ERBB4: variants seen among roughly 807,000 people sequenced by gnomAD.
The protein encoded by ERBB4 is receptor tyrosine-protein kinase erbB-4.
A neutral mutation model predicts 158.0 loss-of-function variants in ERBB4; 42 were observed. The observed-to-expected ratio is 0.27, with a 90% CI of 0.21 to 0.34. The LOEUF (loss-of-function observed/expected upper bound fraction) is 0.34. Ranked by LOEUF, ERBB4 falls within the 10% of genes least tolerant of loss-of-function variation. ERBB4 has a pLI of 1.00. For synonymous variants in ERBB4, 583 were observed against 558.7 expected, an observed-to-expected ratio of 1.04 and a Z score of -0.61; for missense variants, 1,333 against 1,624.1, an observed-to-expected ratio of 0.82 and a Z score of 3.08.
intron 3 of ERBB4, among the ~76,000 whole-genome samples, chr2:211,863,188 C>CA (rs1337377384): frequency 1.4e-5 from 2 of 147,308 alleles, no homozygotes; most frequent in Admixed American, 1.3e-4. Flanking sequence ...CAGCACTCTG[C>CA]AAAAACGCAC....
intron 1 of ERBB4, among the ~76,000 whole-genome samples, chr2:212,215,445 T>C (rs959723908): frequency 6.6e-6 from 1 of 151,478 alleles, no homozygotes; most frequent in African/African-American, 2.4e-5. Context: ...GTGTGTATTG[T>C]GCAAATTTTA....
chr2:211,435,341 C>T (rs1296643113), intron 20 of ERBB4, among the ~76,000 whole-genome samples: 1 of 152,062 alleles, frequency 6.6e-6, no homozygotes, highest in Non-Finnish European at 1.5e-5. Flanking sequence ...ACTTAGAACA[C>T]AGCGGTCATT....
chr2:212,510,205 G>GTATA (rs10556403), intron 1 of ERBB4, among the ~76,000 whole-genome samples: 9,142 of 130,264 alleles, frequency 0.07, 355 homozygotes, highest in Middle Eastern at 0.087. Flanking sequence ...TAACCACACA[G>GTATA]TATATATATA....
intron 19 of ERBB4, among the ~76,000 whole-genome samples, chr2:211,592,074 C>A (rs889779566): frequency 6.6e-6 from 1 of 152,094 alleles, no homozygotes; most frequent in Non-Finnish European, 1.5e-5. Context: ...CTAGTTAAAA[C>A]AATTTTACAG....
intron 9 of ERBB4, among the ~76,000 whole-genome samples, chr2:211,710,935 A>G (rs921167596): frequency 3.3e-5 from 5 of 151,956 alleles, no homozygotes; most frequent in Non-Finnish European, 7.4e-5. Context: ...CAGCATGATA[A>G]CTGACTAATA....
At chr2:211,530,793 A>T (rs1005883551) in intron 20 of ERBB4, among the ~76,000 whole-genome samples, 4 of 152,096 alleles carry the variant, frequency 2.6e-5, no homozygotes, top group Non-Finnish European at 5.9e-5. Flanking sequence ...AGGAGGCTGA[A>T]GTGGGAGAAC....
At chr2:211,945,894 T>C (rs559787410) in intron 3 of ERBB4, among the ~76,000 whole-genome samples, 64 of 152,060 alleles carry the variant, frequency 4.2e-4, no homozygotes, top group Admixed American at 1.2e-3. Flanking sequence ...TATTCATTTT[T>C]TTCTTTACTA....
chr2:211,413,054 G>A (rs1381479417), intron 25 of ERBB4, among the ~76,000 whole-genome samples: 1 of 151,894 alleles, frequency 6.6e-6, no homozygotes, highest in East Asian at 1.9e-4. Context: ...CTAGTGCTTT[G>A]GGAGGCCAAG....
chr2:211,986,102 G>C (rs924854936), intron 2 of ERBB4, among the ~76,000 whole-genome samples: 4 of 152,180 alleles, frequency 2.6e-5, no homozygotes, highest in Non-Finnish European at 5.9e-5. Context: ...CAGAGGCTGA[G>C]TGGTGGGTCT....
intron 20 of ERBB4, among the ~76,000 whole-genome samples, chr2:211,534,800 G>A (rs1313817368): frequency 3.3e-5 from 5 of 152,100 alleles, no homozygotes; most frequent in African/African-American, 1.2e-4. Flanking sequence ...GACGAAAACA[G>A]ATGGGAAGAG....
intron 2 of ERBB4, among the ~76,000 whole-genome samples, chr2:212,040,741 C>T (rs1174337019): frequency 6.6e-6 from 1 of 152,072 alleles, no homozygotes; most frequent in East Asian, 1.9e-4. Context: ...TTTTGGCCTT[C>T]AGGCTGTTTG....
At chr2:211,620,943 TA>T (rs56137996) in intron 18 of ERBB4, among the ~76,000 whole-genome samples, 120,708 of 151,670 alleles carry the variant, frequency 0.8, 48,768 homozygotes, top group Non-Finnish European at 0.86. Flanking sequence ...CCAACTCTAC[TA>T]AAAAATAAAA....
At chr2:211,690,237 A>C (rs2072751327) in intron 12 of ERBB4, among the ~76,000 whole-genome samples, 1 of 151,952 alleles carries the variant, frequency 6.6e-6, no homozygotes, top group Admixed American at 6.6e-5. Flanking sequence ...ATATTCCATA[A>C]ACTTTTGGGT....
At chr2:212,188,221 T>C (rs867690654) in intron 1 of ERBB4, among the ~76,000 whole-genome samples, 6 of 33,204 alleles carry the variant, frequency 1.8e-4, no homozygotes, top group Admixed American at 7.7e-4. Context: ...TCTCTCTCTC[T>C]CTCTCTCTCT....
At chr2:212,033,216 C>T (rs983934347) in intron 2 of ERBB4, among the ~76,000 whole-genome samples, 1 of 151,894 alleles carries the variant, frequency 6.6e-6, no homozygotes, top group Non-Finnish European at 1.5e-5. Context: ...ATTCTTTGTA[C>T]ACTTTTAGAT....
intron 19 of ERBB4, among the ~76,000 whole-genome samples, chr2:211,601,232 G>T (rs1048818362): frequency 6.6e-6 from 1 of 150,962 alleles, no homozygotes; most frequent in Non-Finnish European, 1.5e-5. Flanking sequence ...GAAAAGTCAA[G>T]AAAATTCTCA....
intron 2 of ERBB4, among the ~76,000 whole-genome samples, chr2:211,958,804 A>G (rs889804783): frequency 1.3e-5 from 2 of 152,096 alleles, no homozygotes; most frequent in Non-Finnish European, 2.9e-5. Flanking sequence ...TTAGCTAAGA[A>G]AGAGTAATTT....
chr2:211,402,432 A>G (rs1467989027), intron 25 of ERBB4, among the ~76,000 whole-genome samples: 1 of 152,122 alleles, frequency 6.6e-6, no homozygotes, highest in Non-Finnish European at 1.5e-5. Flanking sequence ...AAAAGTGACC[A>G]AAAGCTCAGG....
chr2:212,138,646 A>T (rs1192192770), intron 1 of ERBB4, among the ~76,000 whole-genome samples: 3 of 151,928 alleles, frequency 2.0e-5, no homozygotes, highest in African/African-American at 2.4e-5. Flanking sequence ...ATAGCAACAG[A>T]AAAAGGAGTA....
Sources: gnomAD v4.1 joint callset for allele counts (sites outside exome capture counted in the v4.1 genomes callset) on GRCh38, gnomAD v4.1.1 for gene constraint, MANE v1.5 for transcripts, NCBI Gene and HGNC (gene_info 2026-07-23, HGNC 2026-07-21) for gene names.